BTN3A1: variants seen among roughly 807,000 people sequenced by gnomAD.
BTN3A1 encodes dJ45P21.3 (butyrophilin, subfamily 3, member A1).
In BTN3A1, 24 loss-of-function variants were observed where a neutral mutation model predicts 43.0. The observed-to-expected ratio is 0.56, with a 90% CI of 0.40 to 0.78. The LOEUF (loss-of-function observed/expected upper bound fraction) is 0.78, where lower values mean the gene tolerates loss of function less well. BTN3A1 is among the 30% of genes least tolerant of loss of function. The pLI, the probability that BTN3A1 is intolerant of heterozygous loss-of-function variation, is 0.00. For synonymous variants in BTN3A1, 181 were observed against 234.7 expected, an observed-to-expected ratio of 0.77 and a Z score of 2.09; for missense variants, 533 against 626.2, an observed-to-expected ratio of 0.85 and a Z score of 1.59.
Position 26,405,668 on chromosome 6 carries a change from T to C in BTN3A1, c.85+20T>C. 6.2e-7 allele frequency: 1 copy of C among 1,613,518 alleles called. No homozygotes were observed. The highest frequency in any genetic ancestry group is 1.1e-5 in the South Asian group (1 of 91,060). ...ACTCAGGTAGGGAACAATTCCACGC[T>C]TGTTTCTGAAGCAGACAATTACCTA... is the stretch of plus-strand genomic sequence containing the variant. On this transcript the variant is annotated intron_variant, in intron 2 of 9. Transcript: ENST00000289361.
In BTN3A1 at chr6:26,406,104, G is replaced by A. The variant is rs755260389; in HGVS notation, c.281G>A (p.Arg94Gln). ...GAAGACAGGCAGAGTGCACCGTATC[G>A]AGGGAGAACTTCGATTCTGCGGGAT... The part of the protein sequence containing the change: ...EVEDRQSAPY[R>Q]GRTSILRDGI... Residue 94 changes from arginine to glutamine, a missense_variant, in exon 3 of 10, where the codon CGA becomes CAA. Arg to Gln is a conservative substitution (Grantham distance 43, BLOSUM62 1). Around this residue, in one of 4 missense-constraint regions of BTN3A1, gnomAD observed 51 missense variants for 90.9 expected, o/e 0.56. Transcript: ENST00000289361. The A allele has an allele frequency of 1.3e-5, 21 of 1,593,772 alleles. No individual in the cohort carries two copies. Among genetic ancestry groups the A allele is most frequent in the Non-Finnish European group, 1.6e-5 (19 of 1,169,202 alleles).
chr6:26,408,021 G>C, intron 4 of BTN3A1, 69 bp downstream of exon 4: 1 of 1,587,076 alleles, frequency 6.3e-7, no homozygotes, highest in Non-Finnish European at 8.6e-7. Context: ...GGAGGTGTTA[G>C]TGTCTGCAGT....
At chr6:26,408,000 T>A in intron 4 of BTN3A1, 48 bp downstream of exon 4, 1 of 1,602,988 alleles carries the variant, frequency 6.2e-7, no homozygotes, top group South Asian at 1.1e-5. Flanking sequence ...CTGTGGCAGT[T>A]GAATGAAGGG....
In BTN3A1 at chr6:26,402,362, T is replaced by C. The variant is rs1316559124; in HGVS notation, c.-243T>C. ...CCATAGTAGAAAGAATGGAGAACTA[T>C]TAACTGCCTTTCTTCTGTGGGCTGT... On this transcript the variant is annotated 5_prime_UTR_variant, in exon 1 of 10. Transcript: ENST00000289361. 1 of 152,262 alleles carries C rather than the reference T, an allele frequency of 6.6e-6. No homozygotes were observed. Among genetic ancestry groups the C allele is most frequent in the African/African-American group, 2.4e-5 (1 of 41,466 alleles). The allele number at this position is 152,262 out of a possible 1,614,324, so 9.4% of individuals were successfully genotyped here. A position where few individuals can be genotyped will look rare whatever the true frequency, so the allele number is the denominator to read the frequency against.
At chr6:26,403,663 G>A (rs1399689906) in intron 1 of BTN3A1, among the ~76,000 whole-genome samples, 3 of 151,596 alleles carry the variant, frequency 2.0e-5, no homozygotes, top group African/African-American at 7.3e-5. Flanking sequence ...CAAAGTATAT[G>A]ACTACTACTA....
At position 26,412,705 on chromosome 6, in the gene BTN3A1, G is replaced by A. The variant is rs541577987; in HGVS notation, c.1019-464G>A. ...TCATTTGTTTATCCCCATTTTTCAG[G>A]TGAGGAAATGCTTCAGATGAGGCTC... is the stretch of plus-strand genomic sequence containing the variant. On this transcript the variant is annotated intron_variant, in intron 9 of 9. Coordinates refer to ENST00000289361, the MANE Select transcript of BTN3A1 (RefSeq NM_007048.6). The A allele has an allele frequency of 7.7e-6, 12 of 1,551,450 alleles. No homozygotes were observed. The East Asian group carries it at 2.9e-4, about 38-fold the overall frequency.
Position 26,409,799 on chromosome 6 carries a change from C to A in BTN3A1, c.916+66C>A. 2.5e-6 allele frequency: 4 copies of A among 1,606,828 alleles called. No homozygotes were observed. The South Asian group carries it at 4.4e-5, about 18-fold the overall frequency. ...GGCCAAAGCCCAAAGACCTCACGCC[C>A]ATCCCCACCGCAGAGCTCAGTTGCT... On this transcript the variant is annotated intron_variant, in intron 5 of 9. Transcript: ENST00000289361.
chr6:26,407,603 A>C lies in BTN3A1; in HGVS notation c.434-68A>C, dbSNP rs531155136. On this transcript the variant is annotated intron_variant, in intron 3 of 9. Transcript: ENST00000289361. ...TTGAATTATGGAATGTGAGTGTGCC[A>C]TGATTCCTTTTGAGACCCTCTCTGA... 2.6e-6 allele frequency: 4 copies of C among 1,541,660 alleles called. No individual in the cohort carries two copies. In the East Asian group the frequency reaches 9.0e-5, roughly 35 times the overall value.
chr6:26,409,452 G>C (rs1762129238), intron 4 of BTN3A1, 81 bp from the exon 5 acceptor site: 1 of 1,310,258 alleles, frequency 7.6e-7, no homozygotes. Context: ...GACCTGGGGT[G>C]AGCAGCTAAC....
chr6:26,407,948 C>A lies in BTN3A1; in HGVS notation c.711C>A (p.Ile237=), dbSNP rs756770560. 1 of 1,614,016 alleles carries A rather than the reference C, an allele frequency of 6.2e-7. No individual in the cohort carries two copies. Among genetic ancestry groups the A allele is most frequent in the South Asian group, 1.1e-5 (1 of 91,072 alleles). Residue 237 remains isoleucine (I), a synonymous_variant, in exon 4 of 10, where the codon ATC becomes ATA. Transcript: ENST00000289361. The part of the protein sequence containing the change: ...LGLEKTASIS[I]ADPFFRSAQR... Reference sequence around the variant, plus strand: ...TGGAAAAGACAGCCAGCATTTCCATCGCAGGTCAGTACCTGCTTGGCCTCA... The same window carrying A: ...TGGAAAAGACAGCCAGCATTTCCATAGCAGGTCAGTACCTGCTTGGCCTCA...
At chr6:26,412,810 G>A (rs1235282115) in intron 9 of BTN3A1, 10 of 1,550,134 alleles carry the variant, frequency 6.5e-6, no homozygotes, top group African/African-American at 1.4e-5. Flanking sequence ...GTGGTCGAAT[G>A]AAGGTTGAAA....
At chr6:26,406,286 T>C (rs527834024) in intron 3 of BTN3A1, 30 bp downstream of exon 3, 49 of 884,000 alleles carry the variant, frequency 5.5e-5, no homozygotes, top group Non-Finnish European at 7.8e-5. Context: ...TCTGAGAACA[T>C]TTCTCTGTAG....
Position 26,406,014 on chromosome 6 carries a change from A to T in BTN3A1, c.191A>T (p.Glu64Val). The T allele has an allele frequency of 6.2e-7, 1 of 1,612,132 alleles. No individual in the cohort carries two copies. The highest frequency in any genetic ancestry group is 8.5e-7 in the Non-Finnish European group (1 of 1,179,368). The change falls in exon 3 of 10, where the codon GAG (glutamate) becomes GTG (valine). Residue 64 changes from glutamate (E) to valine (V), a missense_variant. Around this residue, in one of 4 missense-constraint regions of BTN3A1, gnomAD observed 11 missense variants for 41.2 expected, o/e 0.27. Coordinates refer to ENST00000289361, the MANE Select transcript of BTN3A1 (RefSeq NM_007048.6). ...LFPTMSAETM[E>V]LKWVSSSLRQ... is the part of the protein sequence containing the mutation. ...CCGACCATGAGTGCAGAGACCATGG[A>T]GCTGAAGTGGGTGAGTTCCAGCCTA...
chr6:26,412,957 C>A, intron 9 of BTN3A1: 1 of 1,458,086 alleles, frequency 6.9e-7, no homozygotes, highest in East Asian at 2.5e-5. Flanking sequence ...AGGCAACCCT[C>A]ATTTCACCCT....
intron 9 of BTN3A1, chr6:26,412,796 A>C: frequency 6.4e-7 from 1 of 1,551,248 alleles, no homozygotes; most frequent in Non-Finnish European, 8.7e-7. Flanking sequence ...CATTTAGCTC[A>C]TGAGTGGTCG....
intron 7 of BTN3A1, 107 bp from the exon 8 acceptor site, chr6:26,411,000 TAA>T (rs1170183887): frequency 0.099 from 35,066 of 353,278 alleles, 1 homozygote; most frequent in East Asian, 0.12. Flanking sequence ...ATACAGGTGG[TAA>T]AAAAAAAAAA....
chr6:26,413,074 A>C (rs1339913388), intron 9 of BTN3A1, 95 bp from the exon 10 acceptor site: 1 of 1,528,210 alleles, frequency 6.5e-7, no homozygotes, highest in African/African-American at 1.4e-5. Context: ...CTTTGGACTC[A>C]GACCTCCTCA....
chr6:26,404,342 A>G (rs1761943379), intron 1 of BTN3A1: 2 of 152,254 alleles, frequency 1.3e-5, no homozygotes, highest in Non-Finnish European at 2.9e-5. Flanking sequence ...TTTTAAAAGT[A>G]AAGGGAACAA....
rs1282794143 is a variant in BTN3A1 at position 26,412,821 on chromosome 6, A to G, written c.1019-348A>G. ...ATGAGTGGTCGAATGAAGGTTGAAA[A>G]TTAACCTCTGAGTATAAAGCATTAG... is the stretch of plus-strand genomic sequence containing the variant. On this transcript the variant is annotated intron_variant, in intron 9 of 9. Transcript: ENST00000289361. The G allele has an allele frequency of 3.9e-6, 6 of 1,549,454 alleles. No homozygotes were observed. The African/African-American group carries it at 8.2e-5, about 21-fold the overall frequency.
Sources: allele counts gnomAD v4.1 joint callset (sites outside exome capture counted in the v4.1 genomes callset), GRCh38; gene constraint gnomAD v4.1.1; regional missense constraint gnomAD v4.1.1; transcripts MANE v1.5; gene names NCBI Gene and HGNC (gene_info 2026-07-23, HGNC 2026-07-21).